Variants in KCNT2 observed in about 807,000 individuals in gnomAD.
KCNT2 encodes potassium channel subfamily T member 2.
KCNT2 carries 67 observed loss-of-function variants against 153.8 expected under a neutral mutation model. The observed-to-expected ratio is 0.44, with a 90% CI of 0.36 to 0.53. The LOEUF (loss-of-function observed/expected upper bound fraction) is 0.53, where lower values mean the gene tolerates loss of function less well. KCNT2 is among the 20% of genes least tolerant of loss of function. KCNT2 has a pLI of 0.00. For missense variants in KCNT2, 975 were observed against 1,354.8 expected, an observed-to-expected ratio of 0.72 and a Z score of 4.40; for synonymous variants, 500 against 458.8, an observed-to-expected ratio of 1.09 and a Z score of -1.15.
chr1:196,389,505 T>A (rs896194693), intron 13 of KCNT2, among the ~76,000 whole-genome samples: 1 of 151,748 alleles, frequency 6.6e-6, no homozygotes, highest in Non-Finnish European at 1.5e-5. Flanking sequence ...TGTTATCTTA[T>A]ACAATGTTTA....
intron 19 of KCNT2, among the ~76,000 whole-genome samples, chr1:196,321,002 T>G (rs1244097039): frequency 6.6e-6 from 1 of 151,702 alleles, no homozygotes; most frequent in East Asian, 1.9e-4. Flanking sequence ...CATTGATTTT[T>G]TTTTTATCAT....
intron 1 of KCNT2, among the ~76,000 whole-genome samples, chr1:196,515,785 A>T (rs1681998421): frequency 6.6e-6 from 1 of 152,182 alleles, no homozygotes; most frequent in Admixed American, 6.5e-5. Context: ...AGGAGATTAG[A>T]GAAAAGCAAG....
chr1:196,434,152 T>C (rs1469551252), intron 8 of KCNT2, among the ~76,000 whole-genome samples: 1 of 152,028 alleles, frequency 6.6e-6, no homozygotes, highest in East Asian at 1.9e-4. Context: ...AATATTCAAA[T>C]GTAGTCTAGT....
At position 196,475,326 on chromosome 1, in the gene KCNT2, C is replaced by G. The variant is rs544891989; in HGVS notation, c.384+3853G>C. Among the ~76,000 whole-genome samples the G allele has an allele frequency of 8.5e-5, 13 of 152,164 alleles. No individual in the cohort carries two copies. In the East Asian group the frequency reaches 2.5e-3, roughly 29 times the overall value. On this transcript the variant is annotated intron_variant, in intron 5 of 27. Transcript: ENST00000294725. ...TGTATATTACTTTTCTTTAAAAAAT[C>G]TAACTTAGCCAGGCATGGTGGCTCA...
At chr1:196,505,612 T>C (rs1429523251) in intron 1 of KCNT2, among the ~76,000 whole-genome samples, 1 of 152,202 alleles carries the variant, frequency 6.6e-6, no homozygotes, top group Non-Finnish European at 1.5e-5. Context: ...TTCTTCCAAT[T>C]CTGTGAAGAA....
At chr1:196,430,115 CT>C (rs1010881863) in intron 8 of KCNT2, among the ~76,000 whole-genome samples, 7 of 150,760 alleles carry the variant, frequency 4.6e-5, no homozygotes, top group Middle Eastern at 3.4e-3. Flanking sequence ...TTTTCTTTTT[CT>C]TTTTTTTTAT....
chr1:196,361,053 C>G (rs546032765), intron 14 of KCNT2, among the ~76,000 whole-genome samples: 3 of 152,004 alleles, frequency 2.0e-5, no homozygotes, highest in African/African-American at 7.2e-5. Flanking sequence ...GAAATCCACT[C>G]AGCAGAAAGT....
intron 22 of KCNT2, among the ~76,000 whole-genome samples, chr1:196,301,607 T>G (rs1338471485): frequency 6.6e-6 from 1 of 152,156 alleles, no homozygotes; most frequent in East Asian, 1.9e-4. Flanking sequence ...GTAAAGTAAT[T>G]GGGAATAATA....
At chr1:196,576,737 T>C (rs1283139388) in intron 1 of KCNT2, among the ~76,000 whole-genome samples, 1 of 152,264 alleles carries the variant, frequency 6.6e-6, no homozygotes, top group South Asian at 2.1e-4. Context: ...GTTTATAGTA[T>C]GCAGTTAATT....
At chr1:196,569,594 A>T (rs1466579401) in intron 1 of KCNT2, among the ~76,000 whole-genome samples, 1 of 152,230 alleles carries the variant, frequency 6.6e-6, no homozygotes, top group African/African-American at 2.4e-5. Context: ...CTTCAGGATC[A>T]TTTGGAACAA....
chr1:196,606,678 T>C (rs905535000), intron 1 of KCNT2, among the ~76,000 whole-genome samples: 1 of 152,100 alleles, frequency 6.6e-6, no homozygotes, highest in Non-Finnish European at 1.5e-5. Flanking sequence ...CAAACAACAA[T>C]ACCATCACTA....
At chr1:196,533,732 T>A (rs554375962) in intron 1 of KCNT2, among the ~76,000 whole-genome samples, 1 of 152,272 alleles carries the variant, frequency 6.6e-6, no homozygotes, top group South Asian at 2.1e-4. Context: ...TGGCATCATA[T>A]ATAAAGCTAG....
chr1:196,558,580 A>G lies in KCNT2; in HGVS notation c.95+49635T>C, dbSNP rs534432394. 5.3e-5 allele frequency among the ~76,000 whole-genome samples: 8 copies of G among 151,434 alleles called. No homozygotes were observed. The South Asian group carries it at 1.7e-3, about 31-fold the overall frequency. ...AGTGTCTTCCGAAACCTGGCCAGTA[A>G]TTTGCCAGGAAAACGAAACAAAAAG... On this transcript the variant is annotated intron_variant, in intron 1 of 27. Transcript: ENST00000294725.
intron 1 of KCNT2, among the ~76,000 whole-genome samples, chr1:196,605,831 G>C (rs183965076): frequency 4.1e-4 from 62 of 152,086 alleles, no homozygotes; most frequent in African/African-American, 1.5e-3. Context: ...GTGAAGAAGG[G>C]AACTAATATT....
chr1:196,282,584 G>T (rs1452133786), intron 23 of KCNT2, among the ~76,000 whole-genome samples: 2 of 151,898 alleles, frequency 1.3e-5, no homozygotes, highest in African/African-American at 4.8e-5. Flanking sequence ...TTTTTGTCTA[G>T]AAATATCTAA....
chr1:196,318,061 G>A (rs776695577), intron 20 of KCNT2, among the ~76,000 whole-genome samples: 1 of 151,054 alleles, frequency 6.6e-6, no homozygotes, highest in Non-Finnish European at 1.5e-5. Context: ...ATTTCTGCAA[G>A]GCCATTGCCT....
At chr1:196,477,899 G>A (rs1678678379) in intron 5 of KCNT2, among the ~76,000 whole-genome samples, 1 of 152,140 alleles carries the variant, frequency 6.6e-6, no homozygotes, top group African/African-American at 2.4e-5. Flanking sequence ...TAGTGAAAAT[G>A]ACTGTCAAGT....
At chr1:196,343,281 C>G (rs548907436) in intron 14 of KCNT2, among the ~76,000 whole-genome samples, 65 of 152,182 alleles carry the variant, frequency 4.3e-4, no homozygotes, top group Non-Finnish European at 8.2e-4. Context: ...CGCTGCCCGC[C>G]TAACTCAGTG....
intron 27 of KCNT2, among the ~76,000 whole-genome samples, chr1:196,230,768 T>C (rs1296970210): frequency 6.6e-6 from 1 of 151,956 alleles, no homozygotes; most frequent in African/African-American, 2.4e-5. Context: ...GCTTCTTATT[T>C]ATCATCAAAT....
Sources: allele counts gnomAD v4.1 joint callset (sites outside exome capture counted in the v4.1 genomes callset), GRCh38; gene constraint gnomAD v4.1.1; transcripts MANE v1.5; gene names NCBI Gene and HGNC (gene_info 2026-07-23, HGNC 2026-07-21).